TET3: variants seen among roughly 807,000 people sequenced by gnomAD.
TET3 encodes the protein methylcytosine dioxygenase TET3.
In TET3, 19 loss-of-function variants were observed where a neutral mutation model predicts 141.4. That is an observed-to-expected ratio of 0.13 (90% CI 0.09 to 0.20). The LOEUF is 0.20. TET3 is among the 10% of genes least tolerant of loss of function. The pLI is 1.00. For missense variants in TET3, 1,874 were observed against 2,356.9 expected, an observed-to-expected ratio of 0.80 and a Z score of 4.24; for synonymous variants, 1,043 against 980.9, an observed-to-expected ratio of 1.06 and a Z score of -1.18.
intron 1 of TET3, among the ~76,000 whole-genome samples, chr2:73,985,513 G>GGCGGCGGGC (rs976881617): frequency 3.2e-4 from 47 of 146,108 alleles, no homozygotes; most frequent in Admixed American, 9.5e-4. Flanking sequence ...GCTGCGCTCC[G>GGCGGCGGGC]GCGGCGGGCG....
rs967469206 is a variant in TET3 at position 73,990,512 on chromosome 2, G to C, written c.303+3806G>C. On this transcript the variant is annotated intron_variant, in intron 2 of 11. Transcript: ENST00000409262. ...ACACCAAGGAGTCACTATGGTCCTA[G>C]GCCTGACTGAAAAGTTGACCATGGA... 1.8e-4 allele frequency among the ~76,000 whole-genome samples: 28 copies of C among 152,234 alleles called. 1 individual carries two copies. The highest frequency in any genetic ancestry group is 6.5e-4 in the African/African-American group (27 of 41,526).
chr2:74,023,665 T>A (rs1326966944), intron 3 of TET3, among the ~76,000 whole-genome samples: 2 of 152,232 alleles, frequency 1.3e-5, no homozygotes, highest in African/African-American at 4.8e-5. Flanking sequence ...AGACAGTGGC[T>A]CCCAGTGGCT....
the TET3 span, among the ~76,000 whole-genome samples, chr2:74,125,146 A>G: frequency 6.6e-6 from 1 of 151,710 alleles, no homozygotes; most frequent in Non-Finnish European, 1.5e-5. Context: ...AGCTGGGATT[A>G]CAGGTGCCTG....
At chr2:74,095,139 C>T (rs1690746709) in intron 10 of TET3, among the ~76,000 whole-genome samples, 1 of 152,150 alleles carries the variant, frequency 6.6e-6, no homozygotes, top group African/African-American at 2.4e-5. Context: ...GCACATCTGC[C>T]TGGAAAGAGG....
chr2:74,108,812 A>T (rs1301313330), downstream of TET3, among the ~76,000 whole-genome samples: 1 of 152,176 alleles, frequency 6.6e-6, no homozygotes, highest in Non-Finnish European at 1.5e-5. Context: ...AGTGTCTTTG[A>T]GGGACAACCA....
At chr2:74,024,634 C>A (rs1686234693) in intron 3 of TET3, among the ~76,000 whole-genome samples, 1 of 152,152 alleles carries the variant, frequency 6.6e-6, no homozygotes, top group Non-Finnish European at 1.5e-5. Flanking sequence ...GGAGCCCCTC[C>A]TGCCTCCAAC....
downstream of TET3, among the ~76,000 whole-genome samples, chr2:74,111,868 C>T (rs1260197477): frequency 1.3e-5 from 2 of 152,174 alleles, no homozygotes; most frequent in Non-Finnish European, 2.9e-5. Flanking sequence ...ACATTGTCCT[C>T]ACTGGTGGGA....
intron 3 of TET3, among the ~76,000 whole-genome samples, chr2:74,013,642 T>A (rs1485823792): frequency 6.6e-6 from 1 of 151,974 alleles, no homozygotes; most frequent in East Asian, 1.9e-4. Context: ...ACCCCGTCTC[T>A]ACTGAAAATA....
At chr2:74,023,995 G>C (rs1686206722) in intron 3 of TET3, among the ~76,000 whole-genome samples, 1 of 151,818 alleles carries the variant, frequency 6.6e-6, no homozygotes, top group Non-Finnish European at 1.5e-5. Context: ...TTATTTTCTA[G>C]CTTCTTGGAT....
intron 3 of TET3, among the ~76,000 whole-genome samples, chr2:74,042,837 TG>T (rs1249706509): frequency 6.6e-6 from 1 of 152,222 alleles, no homozygotes; most frequent in Admixed American, 6.5e-5. Flanking sequence ...TGGGATCTCT[TG>T]GTTGGGAAAT....
chr2:74,057,416 C>A (rs942469635), intron 4 of TET3, among the ~76,000 whole-genome samples: 1 of 152,230 alleles, frequency 6.6e-6, no homozygotes, highest in Non-Finnish European at 1.5e-5. Context: ...CTCCTATCCC[C>A]TCTCAGACTG....
chr2:74,003,179 T>C lies in TET3; in HGVS notation c.360+13T>C, dbSNP rs1558701380. ...AGCGGCTGTCAAGGTACCTTGTGTG[T>C]GTGCGTGCGTGTGTGTGCGTGTGTG... On this transcript the variant is annotated intron_variant, in intron 3 of 11. Transcript: ENST00000409262. 1.3e-6 allele frequency: 2 copies of C among 1,546,602 alleles called. No individual in the cohort carries two copies. Among genetic ancestry groups the C allele is most frequent in the Admixed American group, 2.0e-5 (1 of 50,506 alleles).
In TET3 at chr2:74,100,878, C is replaced by A. The variant is rs1691163236; in HGVS notation, c.4090C>A (p.Pro1364Thr). The A allele has an allele frequency of 6.2e-7, 1 of 1,610,774 alleles. No individual in the cohort carries two copies. Among genetic ancestry groups the A allele is most frequent in the African/African-American group, 1.3e-5 (1 of 74,806 alleles). The change falls in exon 12 of 12, where the codon CCC (proline) becomes ACC (threonine). Residue 1364 changes from proline to threonine, a missense_variant. By Grantham distance (38) the Pro-to-Thr change is conservative. This residue lies in a region of TET3 where 602 missense variants were observed against 590.2 expected (regional missense o/e 1.02). Transcript: ENST00000409262. ...CCACCAGCAGCCTGCGTACCCAGGCCCCAAGGAGTATCTGCTTCCCAAGGC... is the reference window on the plus strand; with the variant it reads ...CCACCAGCAGCCTGCGTACCCAGGCACCAAGGAGTATCTGCTTCCCAAGGC... ...PHHQQPAYPG[P>T]KEYLLPKAPL...
At chr2:74,066,141 C>T (rs1688886238) in intron 4 of TET3, among the ~76,000 whole-genome samples, 1 of 152,082 alleles carries the variant, frequency 6.6e-6, no homozygotes, top group South Asian at 2.1e-4. Context: ...AATGTCATTG[C>T]TCTTATGTTT....
intron 2 of TET3, among the ~76,000 whole-genome samples, chr2:73,994,616 T>C (rs1052779109): frequency 3.0e-5 from 4 of 134,262 alleles, no homozygotes; most frequent in Non-Finnish European, 4.5e-5. Context: ...TCTATTTTTT[T>C]TCTTTCTTTC....
chr2:74,110,805 A>C (rs1038644879), downstream of TET3, among the ~76,000 whole-genome samples: 1 of 151,324 alleles, frequency 6.6e-6, no homozygotes, highest in South Asian at 2.1e-4. Context: ...CCTGACTCTC[A>C]CTCTCCATGT....
chr2:74,110,347 T>C (rs59253442), downstream of TET3, among the ~76,000 whole-genome samples: 7,742 of 152,264 alleles, frequency 0.051, 427 homozygotes, highest in African/African-American at 0.14. Context: ...CTACACAACT[T>C]GGTCAGCAAC....
chr2:73,986,622 T>C lies in TET3; in HGVS notation c.219T>C (p.Thr73=), dbSNP rs2105057562. Residue 73 remains threonine, a synonymous_variant, in exon 2 of 12, where the codon ACT becomes ACC. Coordinates refer to ENST00000409262, the MANE Select transcript of TET3 (RefSeq NM_001287491.2). ...GGCTGGAAAACTGTGGCGCTTGCAC[T>C]AGCTGTACCAACCGCCGCACGCACC... ...CRRLENCGAC[T]SCTNRRTHQI... The C allele has an allele frequency of 3.2e-6, 4 of 1,232,128 alleles. No individual in the cohort carries two copies. In the East Asian group the frequency reaches 1.3e-4, roughly 39 times the overall value. The allele number at this position is 1,232,128 out of a possible 1,614,324, so 76.3% of individuals were successfully genotyped here. A position where few individuals can be genotyped will look rare whatever the true frequency, so the allele number is the denominator to read the frequency against.
chr2:74,023,017 C>G (rs2105254231), intron 3 of TET3, among the ~76,000 whole-genome samples: 1 of 152,240 alleles, frequency 6.6e-6, no homozygotes, highest in South Asian at 2.1e-4. Context: ...CTCAAGTGAT[C>G]TGTTGACCTC....
Sources: gnomAD v4.1 joint callset for allele counts (sites outside exome capture counted in the v4.1 genomes callset) on GRCh38, gnomAD v4.1.1 for gene constraint, gnomAD v4.1.1 regional missense constraint, MANE v1.5 for transcripts, NCBI Gene and HGNC (gene_info 2026-07-23, HGNC 2026-07-21) for gene names.